Variants in FHAD1 observed in about 807,000 individuals in gnomAD.
FHAD1 encodes forkhead associated phosphopeptide binding domain 1, also known as forkhead-associated domain-containing protein 1.
A neutral mutation model predicts 191.3 loss-of-function variants in FHAD1; 146 were observed. That is an observed-to-expected ratio of 0.76 (90% CI 0.67 to 0.88). The LOEUF is 0.88. Among genes scored for constraint, FHAD1 ranks in the 40% least tolerant of loss-of-function variants. FHAD1 has a pLI of 0.00. For missense variants in FHAD1, 1,635 were observed against 1,785.8 expected (o/e 0.92, Z 1.52); for synonymous variants, 616 against 672.3 (o/e 0.92, Z 1.29).
chr1:15,402,172 T>C (rs971418488), downstream of FHAD1, among the ~76,000 whole-genome samples: 15 of 152,204 alleles, frequency 9.9e-5, no homozygotes, highest in Admixed American at 9.2e-4. Flanking sequence ...CGGTAGACAC[T>C]GGGGGCCTAC....
rs1464498560 is a variant in FHAD1, at chr1:15,272,458, A to ATCCC, written c.231_234dup (p.Gly79ProfsTer15). The ATCCC allele has an allele frequency of 1.7e-5, 26 of 1,551,254 alleles. No individual in the cohort carries two copies. The highest frequency in any genetic ancestry group is 2.2e-5 in the Non-Finnish European group (25 of 1,146,886). On this transcript the variant is annotated frameshift_variant, in exon 3 of 34. Coordinates refer to ENST00000688493, the MANE Select transcript of FHAD1 (RefSeq NM_001391957.1). LOFTEE classifies it high-confidence loss of function. ...CATTCAAAACGTGGCTGTGAAGCTC[A>ATCCC]TCCCTGGAGACATCCTGAGATTTGG...
In FHAD1 at chr1:15,316,325, C is replaced by A; in HGVS notation, c.1171-53C>A. On this transcript the variant is annotated intron_variant, in intron 8 of 33. Coordinates refer to ENST00000688493, the MANE Select transcript of FHAD1 (RefSeq NM_001391957.1). This position sits in a 1 kb window ranked among gnomAD's most constrained non-coding sequence, Gnocchi z 4.3. The stretch of plus-strand genomic sequence containing the variant: ...GCCTTGGAGCCCCTCCTTCCCCCGA[C>A]AACCCTACCTGGCCAACGTTGGCCT... The A allele has an allele frequency of 1.4e-6, 2 of 1,457,882 alleles. No homozygotes were observed. Among genetic ancestry groups the A allele is most frequent in the Non-Finnish European group, 1.9e-6 (2 of 1,064,524 alleles). 90.3% of individuals were successfully genotyped at this position (1,457,882 alleles called of 1,614,324 possible).
chr1:15,284,896 C>G (rs1661890959), intron 3 of FHAD1, among the ~76,000 whole-genome samples: 1 of 151,312 alleles, frequency 6.6e-6, no homozygotes, highest in Non-Finnish European at 1.5e-5. Flanking sequence ...CGCCACACAC[C>G]ATATGGTCAG....
chr1:15,367,540 G>A lies in FHAD1; in HGVS notation c.3232G>A (p.Val1078Met), dbSNP rs1356944572. 6.5e-7 allele frequency: 1 copy of A among 1,549,756 alleles called. No homozygotes were observed. The highest frequency in any genetic ancestry group is 8.7e-7 in the Non-Finnish European group (1 of 1,146,236). The change falls in exon 25 of 34, where the codon GTG (valine) becomes ATG (methionine). Residue 1078 changes from valine (V) to methionine (M), a missense_variant. Coordinates refer to ENST00000688493, the MANE Select transcript of FHAD1 (RefSeq NM_001391957.1). ...CCAGCAGCAGAGCAAGGAGCTGAGT[G>A]TGCTCAAGGAGAAGATGGCCCAGAT... Reference protein sequence around the residue: ...LVQQQSKELSVLKEKMAQMSS... With the variant: ...LVQQQSKELSMLKEKMAQMSS...
intron 6 of FHAD1, among the ~76,000 whole-genome samples, chr1:15,302,201 A>G (rs889732821): frequency 6.6e-6 from 1 of 152,180 alleles, no homozygotes; most frequent in Non-Finnish European, 1.5e-5. Context: ...CGTCTCACCC[A>G]AATCCAGCCC....
At chr1:15,291,013 C>G (rs1036132423) in intron 4 of FHAD1, among the ~76,000 whole-genome samples, 1 of 151,904 alleles carries the variant, frequency 6.6e-6, no homozygotes, top group African/African-American at 2.4e-5. Context: ...TGCGCCCAGC[C>G]TTAATATGAA....
intron 23 of FHAD1, 74 bp downstream of exon 23, chr1:15,362,800 G>C: frequency 8.6e-7 from 1 of 1,158,534 alleles, no homozygotes; most frequent in South Asian, 1.3e-5. Context: ...CAGGCAACCA[G>C]CCCCTACCTG....
intron 6 of FHAD1, among the ~76,000 whole-genome samples, chr1:15,306,793 T>C (rs1009065757): frequency 2.6e-5 from 4 of 152,246 alleles, no homozygotes; most frequent in Non-Finnish European, 5.9e-5. Context: ...TGGAAATGCC[T>C]GGATGCCCAT....
rs1453157256 is a variant in FHAD1 at position 15,352,955 on chromosome 1, C to G, written c.2533C>G (p.Leu845Val). Residue 845 changes from leucine (L) to valine (V), a missense_variant, in exon 20 of 34, where the codon CTG becomes GTG. Coordinates refer to ENST00000688493, the MANE Select transcript of FHAD1 (RefSeq NM_001391957.1). ...GAAGGAAAAGAAAAAGGTGCAAGAC[C>G]TGGAGAATCGCTTAACCAAGCAGAA... ...MEKEKKKVQD[L>V]ENRLTKQKEE... 5.8e-6 allele frequency: 9 copies of G among 1,551,092 alleles called. No homozygotes were observed. In the Admixed American group the frequency reaches 1.8e-4, roughly 30 times the overall value.
chr1:15,324,606 A>G, intron 11 of FHAD1, 47 bp downstream of exon 11: 5 of 1,366,958 alleles, frequency 3.7e-6, no homozygotes, highest in Non-Finnish European at 5.1e-6. Context: ...CTCTCCAATG[A>G]TTGCACCCAA....
rs894241035 is a variant in FHAD1, at chr1:15,301,230, A to G, written c.704A>G (p.Lys235Arg). 6.4e-7 allele frequency: 1 copy of G among 1,551,636 alleles called. No homozygotes were observed. Among genetic ancestry groups the G allele is most frequent in the Admixed American group, 2.0e-5 (1 of 50,972 alleles). ...DKDEIILLLG[K>R]EVSRLSDYEI... ...GATGAAATAATTCTGCTGCTGGGAA[A>G]AGAGGTCAGCCGTCTCTCAGATTAT... Residue 235 changes from lysine (K) to arginine (R), a missense_variant, in exon 6 of 34, where the codon AAA becomes AGA. Coordinates refer to ENST00000688493, the MANE Select transcript of FHAD1 (RefSeq NM_001391957.1).
rs1179476648 is a variant in FHAD1 at position 15,308,643 on chromosome 1, G to T, written c.946G>T (p.Val316Leu). ...TGCCCTACAGAAAGGCTACAGCAAGGTGCTGTGCCAGACCCTGTCAGAGCG... is the reference window on the plus strand; with the variant it reads ...TGCCCTACAGAAAGGCTACAGCAAGTTGCTGTGCCAGACCCTGTCAGAGCG... Reference protein sequence around the residue: ...ISALQKGYSKVLCQTLSERNS... With the variant: ...ISALQKGYSKLLCQTLSERNS... The change falls in exon 7 of 34, where the codon GTG (valine) becomes TTG (leucine). Residue 316 changes from valine (V) to leucine (L), a missense_variant. Transcript: ENST00000688493. 1.9e-6 allele frequency: 3 copies of T among 1,551,746 alleles called. No homozygotes were observed. In the South Asian group the frequency reaches 3.6e-5, roughly 18 times the overall value.
intron 8 of FHAD1, among the ~76,000 whole-genome samples, chr1:15,313,550 T>A (rs1263977354): frequency 6.6e-6 from 1 of 152,186 alleles, no homozygotes; most frequent in Non-Finnish European, 1.5e-5. Context: ...GCTATTTCCA[T>A]GGCAAGGCTT....
At position 15,312,827 on chromosome 1, in the gene FHAD1, G is replaced by T. The variant is rs946710941; in HGVS notation, c.1040-230G>T. Reference sequence around the variant, plus strand: ...GCAGGGCCGATGCCCACAGCACCCCGACAGATGTTTCCTGTCTCCAGCAAC... The same window carrying T: ...GCAGGGCCGATGCCCACAGCACCCCTACAGATGTTTCCTGTCTCCAGCAAC... On this transcript the variant is annotated intron_variant, in intron 7 of 33. Coordinates refer to ENST00000688493, the MANE Select transcript of FHAD1 (RefSeq NM_001391957.1). The surrounding 1 kb of genome is among the most constrained non-coding windows in gnomAD (Gnocchi z 4.7). 6.6e-6 allele frequency among the ~76,000 whole-genome samples: 1 copy of T among 152,096 alleles called. No individual in the cohort carries two copies. Among genetic ancestry groups the T allele is most frequent in the Non-Finnish European group, 1.5e-5 (1 of 67,982 alleles).
At chr1:15,397,220 TAAC>T (rs1706315215) in intron 33 of FHAD1, 74 bp from the exon 34 acceptor site, 8 of 648,320 alleles carry the variant, frequency 1.2e-5, no homozygotes, top group Non-Finnish European at 2.0e-5. Context: ...AAATAAAAAA[TAAC>T]AAAACCACTT....
At chr1:15,295,439 T>TCTCTACAAAAAATTAAAAA in intron 4 of FHAD1, among the ~76,000 whole-genome samples, 1 of 152,030 alleles carries the variant, frequency 6.6e-6, no homozygotes, top group African/African-American at 2.4e-5. Flanking sequence ...CAAGATCCTG[T>TCTCTACAAAAAATTAAAAA]CTCTACAAAA....
intron 12 of FHAD1, 177 bp from the exon 13 acceptor site, chr1:15,328,100 C>A (rs1234968513): frequency 6.9e-5 from 28 of 406,494 alleles, no homozygotes; most frequent in Non-Finnish European, 9.2e-5. Context: ...TCCCTGGTGA[C>A]AGGACCAACG....
chr1:15,272,912 A>C (rs1656718663), intron 3 of FHAD1, among the ~76,000 whole-genome samples: 1 of 152,170 alleles, frequency 6.6e-6, no homozygotes, highest in Non-Finnish European at 1.5e-5. Context: ...AGACTTCTTC[A>C]TATGCCCAGG....
chr1:15,399,663 G>A (rs1376607105), downstream of FHAD1, among the ~76,000 whole-genome samples: 1 of 152,250 alleles, frequency 6.6e-6, no homozygotes, highest in African/African-American at 2.4e-5. Context: ...TAAAGAACCT[G>A]GTATTAGACT....
Sources: gnomAD v4.1 joint callset for allele counts (sites outside exome capture counted in the v4.1 genomes callset) on GRCh38, gnomAD v4.1.1 for gene constraint, Gnocchi (gnomAD v3.1) non-coding constraint, MANE v1.5 for transcripts, NCBI Gene and HGNC (gene_info 2026-07-23, HGNC 2026-07-21) for gene names.